The following FBXL20 variants were observed in gnomAD, a reference collection of about 807,000 sequenced individuals.
FBXL20 encodes the protein F-box and leucine rich repeat protein 20.
In FBXL20, 11 loss-of-function variants were observed where a neutral mutation model predicts 64.0. The observed-to-expected ratio is 0.17, with a 90% confidence interval of 0.11 to 0.28. The LOEUF (loss-of-function observed/expected upper bound fraction) is 0.28, where lower values mean the gene tolerates loss of function less well. FBXL20 is among the 10% of genes least tolerant of loss of function. FBXL20 has a pLI of 1.00. For synonymous variants in FBXL20, 184 were observed against 189.0 expected (o/e 0.97, Z 0.22); for missense variants, 303 against 526.2 (o/e 0.58, Z 4.15).
At chr17:39,327,110 T>C (rs1191063458) in intron 2 of FBXL20, among the ~76,000 whole-genome samples, 4 of 152,048 alleles carry the variant, frequency 2.6e-5, no homozygotes. Context: ...AGTCTTAAAC[T>C]CCTGACTTCA....
chr17:39,401,310 A>G (rs755712158), intron 1 of FBXL20, 51 bp downstream of exon 1: 2 of 1,611,900 alleles, frequency 1.2e-6, no homozygotes, highest in South Asian at 2.2e-5. Context: ...TTTTGGGATT[A>G]GAGCGCGCGA....
In FBXL20 at chr17:39,371,807, C is replaced by T. The variant is rs142832100; in HGVS notation, c.43-28566G>A. On this transcript the variant is annotated intron_variant, in intron 1 of 14. Transcript: ENST00000264658. ...TCCCAAGTAGCTGGGATTAAAGGCA[C>T]GCGCCACCTCGCCCAGCTAAAATCT... Among the ~76,000 whole-genome samples the T allele has an allele frequency of 3.3e-5, 5 of 152,088 alleles. 1 individual carries two copies. In the South Asian group the frequency reaches 6.2e-4, roughly 19 times the overall value.
intron 12 of FBXL20, among the ~76,000 whole-genome samples, chr17:39,268,484 T>TA (rs1373554742): frequency 6.6e-6 from 1 of 152,200 alleles, no homozygotes; most frequent in Non-Finnish European, 1.5e-5. Context: ...ACAGCAAAGC[T>TA]AAAGAAAGGC....
At chr17:39,311,692 T>A (rs965124633) in intron 2 of FBXL20, among the ~76,000 whole-genome samples, 2 of 152,338 alleles carry the variant, frequency 1.3e-5, no homozygotes, top group South Asian at 2.1e-4. Flanking sequence ...TGCTGCTTTT[T>A]CCTGTCATTC....
chr17:39,328,339 A>T (rs1265004336), intron 2 of FBXL20, among the ~76,000 whole-genome samples: 1 of 151,854 alleles, frequency 6.6e-6, no homozygotes, highest in Admixed American at 6.6e-5. Context: ...TGGAGAAATA[A>T]CTGATTCCAG....
Position 39,260,363 on chromosome 17 carries a change from C to T in FBXL20, c.*1097G>A, listed in dbSNP as rs2046734388. The T allele has an allele frequency of 6.6e-6, 1 of 152,166 alleles. No individual in the cohort carries two copies. The highest frequency in any genetic ancestry group is 6.6e-5 in the Admixed American group (1 of 15,266). 9.4% of individuals were successfully genotyped at this position (152,166 alleles called of 1,614,324 possible). A position where few individuals can be genotyped will look rare whatever the true frequency, so the allele number is the denominator to read the frequency against. ...TCATTTTCACTCTTTCCTAATAATA[C>T]ATCTCTCTCTTTCCTTATGATACAG... On this transcript the variant is annotated 3_prime_UTR_variant, in exon 15 of 15. Transcript: ENST00000264658.
At chr17:39,268,545 A>G (rs2046812302) in intron 12 of FBXL20, among the ~76,000 whole-genome samples, 2 of 152,148 alleles carry the variant, frequency 1.3e-5, no homozygotes, top group Admixed American at 1.3e-4. Context: ...CTAGCATCAT[A>G]ACTCTACAGG....
intron 1 of FBXL20, among the ~76,000 whole-genome samples, chr17:39,354,935 G>A (rs144887084): frequency 4.4e-4 from 67 of 152,136 alleles, no homozygotes; most frequent in African/African-American, 1.5e-3. Context: ...TTTTTTGTTT[G>A]TTTGTTTGTT....
rs558138144 is a variant in FBXL20, at chr17:39,346,282, A to G, written c.43-3041T>C. 2.0e-5 allele frequency among the ~76,000 whole-genome samples: 3 copies of G among 152,220 alleles called. No homozygotes were observed. The East Asian group carries it at 5.8e-4, about 29-fold the overall frequency. On this transcript the variant is annotated intron_variant, in intron 1 of 14. Transcript: ENST00000264658. ...CTTGTGCCCAGGAAGTCAAGGATGC[A>G]GTGGAGCATGTTCACACCACTGCAC...
chr17:39,313,707 C>T (rs1307840915), intron 2 of FBXL20, among the ~76,000 whole-genome samples: 1 of 152,086 alleles, frequency 6.6e-6, no homozygotes, highest in Non-Finnish European at 1.5e-5. Flanking sequence ...ACAATCTCGG[C>T]TCACAGCAAC....
At chr17:39,378,644 C>G (rs2047993052) in intron 1 of FBXL20, among the ~76,000 whole-genome samples, 1 of 151,610 alleles carries the variant, frequency 6.6e-6, no homozygotes, top group Admixed American at 6.6e-5. Context: ...GAGTCTCACT[C>G]TGTTGCCCAG....
Position 39,352,049 on chromosome 17 carries a change from G to A in FBXL20, c.43-8808C>T, listed in dbSNP as rs200684058. 3.2e-4 allele frequency among the ~76,000 whole-genome samples: 49 copies of A among 152,250 alleles called. No homozygotes were observed. In the East Asian group the frequency reaches 6.2e-3, roughly 19 times the overall value. Reference sequence around the variant, plus strand: ...AAGCAGCTTGTGTGTGTGTGCACGCGCGTGCACGCTATTACTTTTGCCTTT... The same window carrying A: ...AAGCAGCTTGTGTGTGTGTGCACGCACGTGCACGCTATTACTTTTGCCTTT... On this transcript the variant is annotated intron_variant, in intron 1 of 14. Coordinates refer to ENST00000264658, the MANE Select transcript of FBXL20 (RefSeq NM_032875.3).
chr17:39,301,976 G>C (rs1210672570), intron 3 of FBXL20, among the ~76,000 whole-genome samples: 1 of 137,422 alleles, frequency 7.3e-6, no homozygotes. Context: ...GTTGTGATAA[G>C]TATCATAGCC....
intron 7 of FBXL20, 74 bp from the exon 8 acceptor site, chr17:39,282,929 G>A (rs1487871647): frequency 6.4e-7 from 1 of 1,551,778 alleles, no homozygotes; most frequent in Non-Finnish European, 8.9e-7. Context: ...CAATTTATTG[G>A]CTATTTAGTA....
At chr17:39,272,281 G>C (rs1025524249) in intron 10 of FBXL20, among the ~76,000 whole-genome samples, 3 of 151,742 alleles carry the variant, frequency 2.0e-5, no homozygotes. Context: ...AGCTATCTGA[G>C]AGGTTGAGGC....
Position 39,260,386 on chromosome 17 carries a change from C to T in FBXL20, c.*1074G>A, listed in dbSNP as rs2046734599. 6.6e-6 allele frequency: 1 copy of T among 152,092 alleles called. No homozygotes were observed. The highest frequency in any genetic ancestry group is 1.5e-5 in the Non-Finnish European group (1 of 68,028). 9.4% of individuals were successfully genotyped at this position (152,092 alleles called of 1,614,324 possible). A position where few individuals can be genotyped will look rare whatever the true frequency, so the allele number is the denominator to read the frequency against. ...TACATCTCTCTCTTTCCTTATGATA[C>T]AGTTGGTGGAGTCTGACAGAAGGAA... is the stretch of plus-strand genomic sequence containing the variant. On this transcript the variant is annotated 3_prime_UTR_variant, in exon 15 of 15. Transcript: ENST00000264658.
intron 1 of FBXL20, among the ~76,000 whole-genome samples, chr17:39,353,979 T>G (rs1679610267): frequency 6.6e-6 from 1 of 152,142 alleles, no homozygotes; most frequent in South Asian, 2.1e-4. Flanking sequence ...GAAGATTGCT[T>G]GTACAACACT....
intron 2 of FBXL20, among the ~76,000 whole-genome samples, chr17:39,336,114 G>C (rs1442243395): frequency 1.3e-5 from 2 of 151,926 alleles, no homozygotes; most frequent in Non-Finnish European, 2.9e-5. Flanking sequence ...GAGCCTGTCA[G>C]AGGGGGGAGG....
At chr17:39,385,322 AAC>A (rs3078787) in intron 1 of FBXL20, among the ~76,000 whole-genome samples, 40 of 151,228 alleles carry the variant, frequency 2.6e-4, no homozygotes, top group Non-Finnish European at 3.7e-4. Flanking sequence ...GTCTCTAGAA[AAC>A]ACACACACAC....
Sources: allele counts gnomAD v4.1 joint callset (sites outside exome capture counted in the v4.1 genomes callset), GRCh38; gene constraint gnomAD v4.1.1; transcripts MANE v1.5; gene names NCBI Gene and HGNC (gene_info 2026-07-23, HGNC 2026-07-21).